Variants in TMEM135 observed in about 807,000 individuals in gnomAD.
The protein encoded by TMEM135 is peroxisomal membrane protein 52.
A neutral mutation model predicts 60.3 loss-of-function variants in TMEM135; 30 were observed. The observed-to-expected ratio is 0.50, with a 90% CI of 0.37 to 0.68. The LOEUF (loss-of-function observed/expected upper bound fraction) is 0.68, where lower values mean the gene tolerates loss of function less well. TMEM135 is among the 30% of genes least tolerant of loss of function. TMEM135 has a pLI of 0.00. For missense variants in TMEM135, 468 were observed against 548.8 expected, an observed-to-expected ratio of 0.85 and a Z score of 1.47; for synonymous variants, 190 against 186.7, an observed-to-expected ratio of 1.02 and a Z score of -0.14.
intron 5 of TMEM135, among the ~76,000 whole-genome samples, chr11:87,170,159 A>G (rs1448530605): frequency 6.6e-6 from 1 of 151,926 alleles, no homozygotes; most frequent in South Asian, 2.1e-4. Context: ...TCTTCTCTAA[A>G]CTGGTTATTC....
chr11:87,233,684 G>A (rs1940936343), intron 5 of TMEM135, among the ~76,000 whole-genome samples: 1 of 152,006 alleles, frequency 6.6e-6, no homozygotes, highest in Non-Finnish European at 1.5e-5. Context: ...ATCCTGTAAT[G>A]TCCTTGAGGG....
chr11:87,134,543 C>G (rs540681128), intron 4 of TMEM135, among the ~76,000 whole-genome samples: 1 of 152,314 alleles, frequency 6.6e-6, no homozygotes, highest in African/African-American at 2.4e-5. Flanking sequence ...AGTGCAATAG[C>G]ATTATCACAT....
rs115574122 is a variant in TMEM135 at position 87,087,516 on chromosome 11, G to A, written c.363-3846G>A. ...AACTTAAAAACAACTAATGAGGTGA[G>A]AATTTAATGAGAAGTGTATGATAAG... is the stretch of plus-strand genomic sequence containing the variant. On this transcript the variant is annotated intron_variant, in intron 3 of 14. Coordinates refer to ENST00000305494, the MANE Select transcript of TMEM135 (RefSeq NM_022918.4). 8.5e-3 allele frequency among the ~76,000 whole-genome samples: 1,290 copies of A among 152,248 alleles called. 24 individuals are homozygous for A. Among genetic ancestry groups the A allele is most frequent in the African/African-American group, 0.03 (1,227 of 41,532 alleles).
rs138694253 is a variant in TMEM135, at chr11:87,252,628, C to T, written c.509+15944C>T. On this transcript the variant is annotated intron_variant, in intron 6 of 14. Coordinates refer to ENST00000305494, the MANE Select transcript of TMEM135 (RefSeq NM_022918.4). ...TCACTACTAAAAATACAAAATTAGC[C>T]AGGCATGGGGCACATGCCTGTAATC... Among the ~76,000 whole-genome samples the T allele has an allele frequency of 7.3e-4, 111 of 151,868 alleles. 1 individual carries two copies. Among genetic ancestry groups the T allele is most frequent in the African/African-American group, 2.4e-3 (101 of 41,454 alleles).
At chr11:87,310,362 A>G (rs540939071) in intron 10 of TMEM135, among the ~76,000 whole-genome samples, 38 of 152,278 alleles carry the variant, frequency 2.5e-4, no homozygotes, top group African/African-American at 8.9e-4. Context: ...ATATTTTATT[A>G]AACGCTTAAA....
chr11:87,211,410 C>T (rs967973231), intron 5 of TMEM135, among the ~76,000 whole-genome samples: 1 of 151,984 alleles, frequency 6.6e-6, no homozygotes, highest in African/African-American at 2.4e-5. Context: ...GTCATGGACT[C>T]AGGGAGATCC....
intron 5 of TMEM135, among the ~76,000 whole-genome samples, chr11:87,194,974 T>G (rs1455388453): frequency 6.6e-6 from 1 of 152,220 alleles, no homozygotes; most frequent in East Asian, 1.9e-4. Context: ...ACTTTTTAAA[T>G]TTTAAAACCA....
intron 6 of TMEM135, among the ~76,000 whole-genome samples, chr11:87,277,658 A>G (rs1941992427): frequency 6.6e-6 from 1 of 151,336 alleles, no homozygotes; most frequent in Non-Finnish European, 1.5e-5. Flanking sequence ...AGTAATTGGG[A>G]TTACAGGCGC....
At chr11:87,126,057 T>A (rs1251854393) in intron 4 of TMEM135, among the ~76,000 whole-genome samples, 1 of 152,180 alleles carries the variant, frequency 6.6e-6, no homozygotes, top group Non-Finnish European at 1.5e-5. Flanking sequence ...AATATTTTAT[T>A]GTATTGGGAT....
intron 2 of TMEM135, among the ~76,000 whole-genome samples, chr11:87,068,883 A>G (rs1856719164): frequency 6.6e-6 from 1 of 152,138 alleles, no homozygotes; most frequent in East Asian, 1.9e-4. Flanking sequence ...CAGATCATTA[A>G]TATTTATAAA....
chr11:87,222,055 G>T (rs1212169760), intron 5 of TMEM135, among the ~76,000 whole-genome samples: 2 of 151,532 alleles, frequency 1.3e-5, no homozygotes, highest in East Asian at 3.9e-4. Context: ...GGTGGTGGGC[G>T]CCTGTAATCC....
chr11:87,136,914 T>C (rs1422096180), intron 4 of TMEM135, among the ~76,000 whole-genome samples: 1 of 152,092 alleles, frequency 6.6e-6, no homozygotes, highest in Non-Finnish European at 1.5e-5. Context: ...TAGTCTGTTT[T>C]AGGAAATGCC....
At chr11:87,184,797 T>C (rs112253376) in intron 5 of TMEM135, among the ~76,000 whole-genome samples, 1,798 of 152,254 alleles carry the variant, frequency 0.012, 39 homozygotes, top group African/African-American at 0.042. Flanking sequence ...TTAACAATGA[T>C]TTATAAGAAT....
chr11:87,253,536 G>T (rs999321277), intron 6 of TMEM135, among the ~76,000 whole-genome samples: 2 of 151,344 alleles, frequency 1.3e-5, no homozygotes, highest in Non-Finnish European at 2.9e-5. Flanking sequence ...CATTGCTGAT[G>T]GTCTTATTCT....
At chr11:87,303,488 C>T (rs1257243898) in intron 8 of TMEM135, among the ~76,000 whole-genome samples, 4 of 152,200 alleles carry the variant, frequency 2.6e-5, no homozygotes, top group Non-Finnish European at 5.9e-5. Context: ...TATTTTCCCT[C>T]TGCCAGCATT....
intron 4 of TMEM135, among the ~76,000 whole-genome samples, chr11:87,116,461 C>T (rs1489549497): frequency 2.0e-5 from 3 of 152,106 alleles, no homozygotes; most frequent in Non-Finnish European, 4.4e-5. Context: ...CTGGGTGGCC[C>T]ACTTGAAACT....
chr11:87,327,624 C>T lies in TMEM135; in HGVS notation c.*6291C>T, dbSNP rs775234420. On this transcript the variant is annotated 3_prime_UTR_variant, in exon 15 of 15. Coordinates refer to ENST00000305494, the MANE Select transcript of TMEM135 (RefSeq NM_022918.4). ...CATGTGATTGTGGAGGCTGAGAAAC[C>T]CCACCACAGGCCATTCATAACCTGG... 2.2e-6 allele frequency: 1 copy of T among 453,282 alleles called. No individual in the cohort carries two copies. The highest frequency in any genetic ancestry group is 2.0e-5 in the African/African-American group (1 of 49,846). The allele number at this position is 453,282 out of a possible 1,614,324, so 28.1% of individuals were successfully genotyped here.
chr11:87,214,777 A>T (rs1940460674), intron 5 of TMEM135, among the ~76,000 whole-genome samples: 1 of 152,166 alleles, frequency 6.6e-6, no homozygotes, highest in Non-Finnish European at 1.5e-5. Flanking sequence ...ACGACTGATT[A>T]GTTACAAGAT....
At chr11:87,320,659 T>G (rs1213551677) in intron 14 of TMEM135, among the ~76,000 whole-genome samples, 1 of 152,174 alleles carries the variant, frequency 6.6e-6, no homozygotes, top group Non-Finnish European at 1.5e-5. Flanking sequence ...CGTTAGGGTA[T>G]ATTTTTACTG....
Sources: gnomAD v4.1 joint callset for allele counts (sites outside exome capture counted in the v4.1 genomes callset) on GRCh38, gnomAD v4.1.1 for gene constraint, MANE v1.5 for transcripts, NCBI Gene and HGNC (gene_info 2026-07-23, HGNC 2026-07-21) for gene names.